The following SOCS2 variants were observed in gnomAD, a reference collection of about 807,000 sequenced individuals.
SOCS2 encodes CIS-2.
In SOCS2, 10 loss-of-function variants were observed where a neutral mutation model predicts 18.6. The observed-to-expected ratio is 0.54, with a 90% CI of 0.33 to 0.91. The LOEUF is 0.91. Ranked by LOEUF, SOCS2 falls within the 40% of genes least tolerant of loss-of-function variation. The probability of loss-of-function intolerance (pLI) is 0.02; values close to 1 mark genes in which losing one functional copy is unlikely to be tolerated. For synonymous variants in SOCS2, 104 were observed against 104.0 expected, an observed-to-expected ratio of 1.00 and a Z score of 0.00; for missense variants, 231 against 247.2, an observed-to-expected ratio of 0.93 and a Z score of 0.44.
At chr12:93,610,127 G>A in the SOCS2 span, among the ~76,000 whole-genome samples, 1 of 152,176 alleles carries the variant, frequency 6.6e-6, no homozygotes, top group African/African-American at 2.4e-5. Flanking sequence ...CAGGGAATAC[G>A]TTCAAACTAT....
chr12:93,572,513 T>G, upstream of SOCS2: 2 of 396,156 alleles, frequency 5.0e-6, no homozygotes, highest in East Asian at 6.2e-5. This position sits in a 1 kb window ranked among gnomAD's most constrained non-coding sequence, Gnocchi z 5.0. Flanking sequence ...TCTGCTCTCT[T>G]TATCTTTTCT....
the SOCS2 span, among the ~76,000 whole-genome samples, chr12:93,623,508 A>G: frequency 6.6e-6 from 1 of 152,264 alleles, no homozygotes; most frequent in South Asian, 2.1e-4. Flanking sequence ...TACATGTGCC[A>G]TGCTGGTGTG....
At chr12:93,596,640 T>C in the SOCS2 span, among the ~76,000 whole-genome samples, 34 of 152,242 alleles carry the variant, frequency 2.2e-4, no homozygotes, top group East Asian at 6.2e-3. Context: ...CCAGCCTGGC[T>C]AATATGGCAA....
chr12:93,613,408 G>GA, the SOCS2 span, among the ~76,000 whole-genome samples: 58 of 147,268 alleles, frequency 3.9e-4, no homozygotes, highest in African/African-American at 9.2e-4. Flanking sequence ...GCCCCTCCCA[G>GA]AAAAAAAAAC....
the SOCS2 span, among the ~76,000 whole-genome samples, chr12:93,623,709 GA>G: frequency 6.6e-6 from 1 of 151,910 alleles, no homozygotes; most frequent in Non-Finnish European, 1.5e-5. Context: ...ATTTAATCAT[GA>G]ATTTTTTTTT....
the SOCS2 span, among the ~76,000 whole-genome samples, chr12:93,601,964 C>T: frequency 6.6e-6 from 1 of 152,132 alleles, no homozygotes; most frequent in Non-Finnish European, 1.5e-5. Context: ...ATATCACTTG[C>T]TGATGACCAT....
At chr12:93,586,225 T>C (rs1954584368), downstream of SOCS2, among the ~76,000 whole-genome samples, 1 of 152,226 alleles carries the variant, frequency 6.6e-6, no homozygotes, top group Non-Finnish European at 1.5e-5. Context: ...TCTCACTTGC[T>C]AAAATTAAAT....
chr12:93,615,419 A>G, the SOCS2 span, among the ~76,000 whole-genome samples: 1 of 152,354 alleles, frequency 6.6e-6, no homozygotes, highest in South Asian at 2.1e-4. Context: ...GGGATCCTGC[A>G]GAGTAGATAG....
the SOCS2 span, among the ~76,000 whole-genome samples, chr12:93,612,384 T>C: frequency 6.6e-6 from 1 of 152,022 alleles, no homozygotes; most frequent in African/African-American, 2.4e-5. Flanking sequence ...CTGTGATTAC[T>C]TCATGGCTGT....
the SOCS2 span, among the ~76,000 whole-genome samples, chr12:93,593,119 C>T: frequency 1.3e-5 from 2 of 152,144 alleles, no homozygotes; most frequent in Non-Finnish European, 2.9e-5. Flanking sequence ...CCACTCCTGA[C>T]ACCAGATTGG....
At chr12:93,588,615 AT>A in the SOCS2 span, among the ~76,000 whole-genome samples, 30,487 of 140,976 alleles carry the variant, frequency 0.22, 3,090 homozygotes, top group East Asian at 0.31. Context: ...GAGACAGTGA[AT>A]TTTTTTTTTT....
chr12:93,580,581 A>G (rs973974605), downstream of SOCS2, among the ~76,000 whole-genome samples: 6 of 142,556 alleles, frequency 4.2e-5, no homozygotes, highest in Non-Finnish European at 6.0e-5. Flanking sequence ...CAATCTTACC[A>G]CTGCACTCCA....
downstream of SOCS2, among the ~76,000 whole-genome samples, chr12:93,577,950 A>G (rs768320448): frequency 6.6e-6 from 1 of 152,228 alleles, no homozygotes; most frequent in Non-Finnish European, 1.5e-5. Context: ...AATTTAGGGC[A>G]TTTGTGAGGA....
chr12:93,604,212 A>C, the SOCS2 span, among the ~76,000 whole-genome samples: 1 of 151,964 alleles, frequency 6.6e-6, no homozygotes, highest in Admixed American at 6.6e-5. Context: ...AAAACAAAAA[A>C]AACAAGAAAA....
chr12:93,613,524 T>C, the SOCS2 span, among the ~76,000 whole-genome samples: 3 of 152,194 alleles, frequency 2.0e-5, no homozygotes, highest in South Asian at 6.2e-4. Flanking sequence ...TCTCCGAGCC[T>C]TAGTTCTTTA....
At chr12:93,599,041 A>AAATCATATGTC in the SOCS2 span, among the ~76,000 whole-genome samples, 1 of 152,192 alleles carries the variant, frequency 6.6e-6, no homozygotes, top group East Asian at 1.9e-4. Context: ...GATGGATTTA[A>AAATCATATGTC]AATCATATGT....
the SOCS2 span, among the ~76,000 whole-genome samples, chr12:93,597,851 A>T: frequency 1.3e-5 from 2 of 152,164 alleles, no homozygotes; most frequent in Non-Finnish European, 2.9e-5. Context: ...AAGTTATTGT[A>T]TATCCTTCCT....
chr12:93,598,895 A>G, the SOCS2 span, among the ~76,000 whole-genome samples: 1 of 152,156 alleles, frequency 6.6e-6, no homozygotes, highest in East Asian at 1.9e-4. Flanking sequence ...CTCATTGTCA[A>G]CTTTGTCAGA....
the SOCS2 span, among the ~76,000 whole-genome samples, chr12:93,588,835 T>C: frequency 3.3e-5 from 5 of 152,150 alleles, no homozygotes; most frequent in African/African-American, 1.2e-4. Context: ...TTGGCCAGGC[T>C]GGTCTTGAAC....
Sources: allele counts gnomAD v4.1 joint callset (sites outside exome capture counted in the v4.1 genomes callset), GRCh38; gene constraint gnomAD v4.1.1; non-coding constraint Gnocchi (gnomAD v3.1); transcripts MANE v1.5; gene names NCBI Gene and HGNC (gene_info 2026-07-23, HGNC 2026-07-21).